Variants in ABTB2 observed in about 807,000 individuals in gnomAD.
ABTB2 encodes the protein ankyrin repeat and BTB domain containing 2, also known as ankyrin repeat and BTB/POZ domain-containing protein 2.
In ABTB2, 56 loss-of-function variants were observed where a neutral mutation model predicts 104.1. The ratio of observed to expected loss-of-function variants is 0.54; its 90% CI spans 0.43 to 0.67. The LOEUF (loss-of-function observed/expected upper bound fraction) is 0.67, where lower values mean the gene tolerates loss of function less well. Among genes scored for constraint, ABTB2 ranks in the 30% least tolerant of loss-of-function variants. The pLI, the probability that ABTB2 is intolerant of heterozygous loss-of-function variation, is 0.00. For synonymous variants in ABTB2, 606 were observed against 608.2 expected, an observed-to-expected ratio of 1.00 and a Z score of 0.05; for missense variants, 1,279 against 1,407.7, an observed-to-expected ratio of 0.91 and a Z score of 1.46.
intron 3 of ABTB2, among the ~76,000 whole-genome samples, chr11:34,179,838 A>G (rs1853003307): frequency 6.6e-6 from 1 of 152,196 alleles, no homozygotes. Flanking sequence ...AATCCAGTGT[A>G]TTCCCAATGA....
chr11:34,342,803 G>A (rs1049288161), intron 1 of ABTB2, among the ~76,000 whole-genome samples: 5 of 152,098 alleles, frequency 3.3e-5, no homozygotes, highest in Non-Finnish European at 5.9e-5. Flanking sequence ...CTGCATGACC[G>A]TGAGCAAGCT....
chr11:34,317,960 C>T (rs1049937169), intron 1 of ABTB2, among the ~76,000 whole-genome samples: 1 of 150,752 alleles, frequency 6.6e-6, no homozygotes, highest in Non-Finnish European at 1.5e-5. Flanking sequence ...TCCCCACGTC[C>T]CCCTCCCCTA....
intron 10 of ABTB2, 133 bp from the exon 11 acceptor site, chr11:34,161,214 G>A (rs922457392): frequency 3.5e-5 from 29 of 819,594 alleles, no homozygotes; most frequent in Admixed American, 7.7e-5. Flanking sequence ...GCCCCCTCCC[G>A]CCTGCCCCCT....
Position 34,356,992 on chromosome 11 carries a change from A to G in ABTB2, c.592T>C (p.Ser198Pro). ...GAGAAGGTGAGGCCGCAGCGCGCGG[A>G]CTTGCCCCGGCGCAGCCCGTCGCCG... is the stretch of plus-strand genomic sequence containing the variant. ...SAGDGLRRGK[S>P]ARCGLTFSVG... The change falls in exon 1 of 17, where the codon TCC becomes CCC. Residue 198 changes from serine to proline, a missense_variant. Coordinates refer to ENST00000435224, the MANE Select transcript of ABTB2 (RefSeq NM_145804.3). The surrounding 1 kb of genome is among the most constrained non-coding windows in gnomAD (Gnocchi z 4.6). 2 of 1,585,740 alleles carry G rather than the reference A, an allele frequency of 1.3e-6. No individual in the cohort carries two copies. Among genetic ancestry groups the G allele is most frequent in the Non-Finnish European group, 1.7e-6 (2 of 1,168,192 alleles).
chr11:34,345,175 C>T (rs1486034868), intron 1 of ABTB2, among the ~76,000 whole-genome samples: 1 of 152,178 alleles, frequency 6.6e-6, no homozygotes, highest in Non-Finnish European at 1.5e-5. Context: ...CAATGGCCTA[C>T]CCCACTAACC....
intron 1 of ABTB2, among the ~76,000 whole-genome samples, chr11:34,351,989 T>C (rs1210479128): frequency 6.6e-6 from 1 of 152,204 alleles, no homozygotes; most frequent in Non-Finnish European, 1.5e-5. Flanking sequence ...CCAACTCTCT[T>C]GGCTTTAATA....
At chr11:34,237,647 C>A (rs1277984218) in intron 1 of ABTB2, among the ~76,000 whole-genome samples, 1 of 152,158 alleles carries the variant, frequency 6.6e-6, no homozygotes, top group Admixed American at 6.5e-5. Context: ...GTAATCCCAG[C>A]ACTTTGGGAG....
At chr11:34,264,910 AAT>A (rs1410116017) in intron 1 of ABTB2, among the ~76,000 whole-genome samples, 2 of 152,188 alleles carry the variant, frequency 1.3e-5, no homozygotes, top group East Asian at 3.9e-4. Context: ...AAGATTTCAC[AAT>A]ATCTCTCCTA....
chr11:34,172,394 AAATAT>A (rs1565131598), intron 4 of ABTB2, among the ~76,000 whole-genome samples: 4 of 40,708 alleles, frequency 9.8e-5, no homozygotes, highest in African/African-American at 3.1e-4. Flanking sequence ...AAAAAAAAAA[AAATAT>A]ATATATATAT....
chr11:34,208,021 C>T (rs540613551), intron 1 of ABTB2, among the ~76,000 whole-genome samples: 1 of 152,240 alleles, frequency 6.6e-6, no homozygotes, highest in Non-Finnish European at 1.5e-5. Flanking sequence ...TTGCAGAACA[C>T]AGTTCCACAG....
At chr11:34,354,207 C>A (rs889599978) in intron 1 of ABTB2, among the ~76,000 whole-genome samples, 1 of 152,072 alleles carries the variant, frequency 6.6e-6, no homozygotes, top group Non-Finnish European at 1.5e-5. Flanking sequence ...CAGAGGGAGA[C>A]ACTTTGACTC....
intron 1 of ABTB2, among the ~76,000 whole-genome samples, chr11:34,316,736 T>C (rs960574610): frequency 5.3e-5 from 8 of 152,156 alleles, no homozygotes; most frequent in African/African-American, 1.7e-4. Context: ...ACCGCACCAA[T>C]AACAACTGCA....
At chr11:34,328,190 C>A (rs540936217) in intron 1 of ABTB2, among the ~76,000 whole-genome samples, 2 of 152,338 alleles carry the variant, frequency 1.3e-5, no homozygotes, top group South Asian at 2.1e-4. Flanking sequence ...CAGTATCCCC[C>A]CTTCTGGAAA....
At chr11:34,274,601 A>AT (rs1172740113) in intron 1 of ABTB2, among the ~76,000 whole-genome samples, 11 of 151,652 alleles carry the variant, frequency 7.3e-5, no homozygotes, top group African/African-American at 2.7e-4. Flanking sequence ...GTATGTATAT[A>AT]TTTTTTTCTT....
chr11:34,290,612 T>C (rs923949483), intron 1 of ABTB2, among the ~76,000 whole-genome samples: 26 of 152,138 alleles, frequency 1.7e-4, no homozygotes, highest in African/African-American at 5.8e-4. Flanking sequence ...GAAGCTGAGG[T>C]GGGAGGATTG....
rs1001396919 is a variant in ABTB2 at position 34,154,876 on chromosome 11, C to T, written c.2698-107G>A. ...AGCTGCCGCCTCCAGGGGCCTGTCCCTCTGCAGGTCCCCAGCTCTGTCTCT... is the reference window on the plus strand; with the variant it reads ...AGCTGCCGCCTCCAGGGGCCTGTCCTTCTGCAGGTCCCCAGCTCTGTCTCT... On this transcript the variant is annotated intron_variant, in intron 14 of 16. Coordinates refer to ENST00000435224, the MANE Select transcript of ABTB2 (RefSeq NM_145804.3). The surrounding 1 kb of genome is among the most constrained non-coding windows in gnomAD (Gnocchi z 4.9). The T allele has an allele frequency of 7.8e-5, 82 of 1,044,908 alleles. No homozygotes were observed. The highest frequency in any genetic ancestry group is 4.2e-4 in the Middle Eastern group (2 of 4,720). 64.7% of individuals were successfully genotyped at this position (1,044,908 alleles called of 1,614,324 possible). A position where few individuals can be genotyped will look rare whatever the true frequency, so the allele number is the denominator to read the frequency against.
Position 34,236,068 on chromosome 11 carries a change from G to T in ABTB2, c.884-31378C>A, listed in dbSNP as rs1853839165. Among the ~76,000 whole-genome samples the T allele has an allele frequency of 3.3e-5, 5 of 152,152 alleles. No homozygotes were observed. The South Asian group carries it at 1.0e-3, about 31-fold the overall frequency. ...CGTGGACATCGGGTGCAGGCTGGTG[G>T]GTACACCCCTGCAAGGAAGAGAAGG... is the stretch of plus-strand genomic sequence containing the variant. On this transcript the variant is annotated intron_variant, in intron 1 of 16. Coordinates refer to ENST00000435224, the MANE Select transcript of ABTB2 (RefSeq NM_145804.3).
intron 1 of ABTB2, among the ~76,000 whole-genome samples, chr11:34,288,677 A>G (rs1854532848): frequency 6.6e-6 from 1 of 151,988 alleles, no homozygotes; most frequent in Non-Finnish European, 1.5e-5. Context: ...GGGAGATGAC[A>G]GTGAAGGATG....
At chr11:34,276,882 C>T (rs1172935510) in intron 1 of ABTB2, among the ~76,000 whole-genome samples, 1 of 152,148 alleles carries the variant, frequency 6.6e-6, no homozygotes, top group Non-Finnish European at 1.5e-5. Context: ...ACAGTAGGTG[C>T]CCACTTGGCT....
Sources: allele counts gnomAD v4.1 joint callset (sites outside exome capture counted in the v4.1 genomes callset), GRCh38; gene constraint gnomAD v4.1.1; non-coding constraint Gnocchi (gnomAD v3.1); transcripts MANE v1.5; gene names NCBI Gene and HGNC (gene_info 2026-07-23, HGNC 2026-07-21).